LRPAP1: variants seen among roughly 807,000 people sequenced by gnomAD.
LRPAP1 encodes LDL receptor related protein associated protein 1, also known as alpha-2-macroglobulin receptor-associated protein.
A neutral mutation model predicts 39.9 loss-of-function variants in LRPAP1; 41 were observed. That is an observed-to-expected ratio of 1.03 (90% CI 0.80 to 1.33). The LOEUF (loss-of-function observed/expected upper bound fraction) is 1.33, where lower values mean the gene tolerates loss of function less well. Ranked by LOEUF, LRPAP1 falls within the 40% of genes most tolerant of loss-of-function variation. The pLI is 0.00. For missense variants in LRPAP1, 565 were observed against 482.3 expected, an observed-to-expected ratio of 1.17 and a Z score of -1.61; for synonymous variants, 263 against 212.7, an observed-to-expected ratio of 1.24 and a Z score of -2.06.
intron 7 of LRPAP1, among the ~76,000 whole-genome samples, chr4:3,513,562 G>A (rs1025424874): frequency 1.3e-5 from 2 of 152,182 alleles, no homozygotes; most frequent in Non-Finnish European, 2.9e-5. Flanking sequence ...ACCCACCTCA[G>A]CCTCCCAAAG....
chr4:3,513,821 C>G (rs1278864383), intron 7 of LRPAP1, among the ~76,000 whole-genome samples: 1 of 152,220 alleles, frequency 6.6e-6, no homozygotes, highest in African/African-American at 2.4e-5. Flanking sequence ...TCCCCAGATT[C>G]TCACAAAACC....
At position 3,508,017 on chromosome 4, in the gene LRPAP1, T is replaced by C. The variant is rs959435205; in HGVS notation, c.*4957A>G. 2.0e-5 allele frequency: 3 copies of C among 152,222 alleles called. No individual in the cohort carries two copies. The highest frequency in any genetic ancestry group is 7.2e-5 in the African/African-American group (3 of 41,456). The allele number at this position is 152,222 out of a possible 1,614,324, so 9.4% of individuals were successfully genotyped here. On this transcript the variant is annotated 3_prime_UTR_variant, in exon 8 of 8. Coordinates refer to ENST00000650182, the MANE Select transcript of LRPAP1 (RefSeq NM_002337.4). ...AGAAAATCCAAAAGCCTCATGTCTT[T>C]TTTTTTGAGACAGAGCCTCGCTCTG...
Position 3,532,257 on chromosome 4 carries a change from C to A in LRPAP1, c.156G>T (p.Glu52Asp). ...GGTTCAACTTCTCCATGCGGAACTC[C>A]TCTCCGGACTCGCGTTTCGGGGACG... ...PKPSPKRESG[E>D]EFRMEKLNQL... Residue 52 changes from glutamate to aspartate, a missense_variant, in exon 1 of 8, where the codon GAG becomes GAT. Coordinates refer to ENST00000650182, the MANE Select transcript of LRPAP1 (RefSeq NM_002337.4). 6.4e-7 allele frequency: 1 copy of A among 1,553,242 alleles called. No individual in the cohort carries two copies. The highest frequency in any genetic ancestry group is 1.2e-5 in the South Asian group (1 of 84,352).
At chr4:3,523,445 T>G (rs1035248075) in intron 2 of LRPAP1, among the ~76,000 whole-genome samples, 2 of 152,188 alleles carry the variant, frequency 1.3e-5, no homozygotes, top group African/African-American at 2.4e-5. Context: ...CCAGCAAAAA[T>G]GAAGCCGGCC....
chr4:3,507,870 CAGGAATGAGAATGGACATCACTGCACAG>C lies in LRPAP1; in HGVS notation c.*5076_*5103del, dbSNP rs1729398826. The C allele has an allele frequency of 6.6e-6, 1 of 152,238 alleles. No homozygotes were observed. The allele number at this position is 152,238 out of a possible 1,614,324, so 9.4% of individuals were successfully genotyped here. A position where few individuals can be genotyped will look rare whatever the true frequency, so the allele number is the denominator to read the frequency against. On this transcript the variant is annotated 3_prime_UTR_variant, in exon 8 of 8. Coordinates refer to ENST00000650182, the MANE Select transcript of LRPAP1 (RefSeq NM_002337.4). ...AAAAGAAAACACAAATGGCCCAGAG[CAGGAATGAGAATGGACATCACTGCACAG>C]AGGATACTGTGAATGATTTATGTAA...
intron 2 of LRPAP1, 26 bp downstream of exon 2, chr4:3,524,881 C>T (rs761023734): frequency 6.2e-6 from 10 of 1,609,352 alleles, no homozygotes; most frequent in Non-Finnish European, 8.5e-6. Context: ...GATACTCGAC[C>T]TGCATTAGGA....
chr4:3,531,185 TCC>T (rs1730238912), intron 1 of LRPAP1, among the ~76,000 whole-genome samples: 1 of 152,056 alleles, frequency 6.6e-6, no homozygotes, highest in Admixed American at 6.5e-5. Flanking sequence ...TGACTGCTGG[TCC>T]CAGGAGCAGT....
chr4:3,531,841 T>C (rs1301063476), intron 1 of LRPAP1: 1 of 297,434 alleles, frequency 3.4e-6, no homozygotes, highest in African/African-American at 2.2e-5. Context: ...TTTCCCCACA[T>C]AGGGAGATAA....
chr4:3,516,528 G>A (rs1008177766), intron 5 of LRPAP1, among the ~76,000 whole-genome samples: 1 of 152,248 alleles, frequency 6.6e-6, no homozygotes, highest in African/African-American at 2.4e-5. Flanking sequence ...GGCAGAGGAT[G>A]GACGTGGCCT....
In LRPAP1 at chr4:3,504,048, G is replaced by A. The variant is rs1729280871; in HGVS notation, c.*8926C>T. On this transcript the variant is annotated 3_prime_UTR_variant, in exon 8 of 8. Transcript: ENST00000650182. ...GGCTCCAGCCCAGCCTCAGGTGAGA[G>A]TGAAGGGAGCACCTATCTGCAGCAA... 1 of 152,620 alleles carries A rather than the reference G, an allele frequency of 6.6e-6. No homozygotes were observed. The highest frequency in any genetic ancestry group is 1.5e-5 in the Non-Finnish European group (1 of 68,230). The allele number at this position is 152,620 out of a possible 1,614,324, so 9.5% of individuals were successfully genotyped here.
At chr4:3,518,393 G>A (rs540027142) in intron 4 of LRPAP1, among the ~76,000 whole-genome samples, 4 of 117,784 alleles carry the variant, frequency 3.4e-5, no homozygotes, top group South Asian at 5.9e-4. Context: ...GCGAGACGCC[G>A]GGACACGCGC....
chr4:3,518,814 G>C, intron 4 of LRPAP1, 57 bp downstream of exon 4: 1 of 1,185,566 alleles, frequency 8.4e-7, no homozygotes, highest in Non-Finnish European at 1.2e-6. Flanking sequence ...GTGCAGGAGG[G>C]GTGGGGGGCA....
intron 2 of LRPAP1, among the ~76,000 whole-genome samples, chr4:3,522,692 ACAGACGCCGCCCCACACCCCC>A (rs1729954256): frequency 6.0e-5 from 4 of 67,180 alleles, no homozygotes; most frequent in South Asian, 5.9e-4. Context: ...CCTGGGGAGG[ACAGACGCCGCCCCACACCCCC>A]TGCCTGGGGA....
intron 7 of LRPAP1, 117 bp downstream of exon 7, chr4:3,514,635 G>T: frequency 7.5e-7 from 1 of 1,328,622 alleles, no homozygotes; most frequent in Non-Finnish European, 1.0e-6. Flanking sequence ...CTCGGACAGG[G>T]AAGACAGCAG....
intron 3 of LRPAP1, among the ~76,000 whole-genome samples, 189 bp from the exon 4 acceptor site, chr4:3,519,180 T>C (rs1008745947): frequency 3.9e-5 from 6 of 152,168 alleles, no homozygotes; most frequent in African/African-American, 1.2e-4. Context: ...GCAACCACCC[T>C]TCTCTTGGAC....
chr4:3,512,891 G>T lies in LRPAP1; in HGVS notation c.*83C>A. 2.3e-6 allele frequency: 3 copies of T among 1,286,020 alleles called. No individual in the cohort carries two copies. Among genetic ancestry groups the T allele is most frequent in the Non-Finnish European group, 3.2e-6 (3 of 923,588 alleles). The allele number at this position is 1,286,020 out of a possible 1,614,324, so 79.7% of individuals were successfully genotyped here. A position where few individuals can be genotyped will look rare whatever the true frequency, so the allele number is the denominator to read the frequency against. ...GCCAGCCCCAGCCACCCTGACGGCG[G>T]GCTGTCCACGGAAATGCCACGGCCA... On this transcript the variant is annotated 3_prime_UTR_variant, in exon 8 of 8. Coordinates refer to ENST00000650182, the MANE Select transcript of LRPAP1 (RefSeq NM_002337.4).
rs939072766 is a variant in LRPAP1 at position 3,510,445 on chromosome 4, A to G, written c.*2529T>C. 1.3e-5 allele frequency: 2 copies of G among 152,266 alleles called. No individual in the cohort carries two copies. Among genetic ancestry groups the G allele is most frequent in the African/African-American group, 2.4e-5 (1 of 41,444 alleles). 9.4% of individuals were successfully genotyped at this position (152,266 alleles called of 1,614,324 possible). On this transcript the variant is annotated 3_prime_UTR_variant, in exon 8 of 8. Coordinates refer to ENST00000650182, the MANE Select transcript of LRPAP1 (RefSeq NM_002337.4). ...TGAGGGACAGAGCAAGACCTTGTCT[A>G]AAGTGTGGCAATGGCAAGAGCGTAA...
At chr4:3,532,147 A>G in intron 1 of LRPAP1, 62 bp downstream of exon 1, 1 of 1,501,456 alleles carries the variant, frequency 6.7e-7, no homozygotes, top group South Asian at 1.2e-5. Flanking sequence ...GCCCCGCTCC[A>G]ACGACCCCAA....
In LRPAP1 at chr4:3,512,184, T is replaced by C. The variant is rs1255911103; in HGVS notation, c.*790A>G. 1 of 152,326 alleles carries C rather than the reference T, an allele frequency of 6.6e-6. No individual in the cohort carries two copies. The highest frequency in any genetic ancestry group is 1.5e-5 in the Non-Finnish European group (1 of 68,148). The allele number at this position is 152,326 out of a possible 1,614,324, so 9.4% of individuals were successfully genotyped here. On this transcript the variant is annotated 3_prime_UTR_variant, in exon 8 of 8. Transcript: ENST00000650182. Reference sequence around the variant, plus strand: ...CCGGACCTGAGCAACCGCCAGTCCATCAGCTATGGTCAGAGGAAGGCCTCC... The same window carrying C: ...CCGGACCTGAGCAACCGCCAGTCCACCAGCTATGGTCAGAGGAAGGCCTCC...
Sources: gnomAD v4.1 joint callset for allele counts (sites outside exome capture counted in the v4.1 genomes callset) on GRCh38, gnomAD v4.1.1 for gene constraint, MANE v1.5 for transcripts, NCBI Gene and HGNC (gene_info 2026-07-23, HGNC 2026-07-21) for gene names.